The following GRIK2 variants were observed in gnomAD, a reference collection of about 807,000 sequenced individuals.
The protein encoded by GRIK2 is glutamate ionotropic receptor kainate type subunit 2, also known as glutamate receptor ionotropic, kainate 2.
Under a neutral mutation model 100.3 loss-of-function variants are expected in GRIK2, and 32 were observed. That is an observed-to-expected ratio of 0.32 (90% CI 0.24 to 0.43). The LOEUF is 0.43. Among genes scored for constraint, GRIK2 ranks in the 20% least tolerant of loss-of-function variants. GRIK2 has a pLI of 1.00. For missense variants in GRIK2, 843 were observed against 1,114.9 expected (o/e 0.76, Z 3.47); for synonymous variants, 417 against 389.4 (o/e 1.07, Z -0.83).
At chr6:101,792,132 G>C (rs893940081) in intron 7 of GRIK2, among the ~76,000 whole-genome samples, 4 of 151,744 alleles carry the variant, frequency 2.6e-5, no homozygotes, top group Admixed American at 6.6e-5. Context: ...CCTGAATACA[G>C]CACACTGATG....
chr6:101,572,087 G>T (rs1490112969), intron 2 of GRIK2, among the ~76,000 whole-genome samples: 1 of 151,794 alleles, frequency 6.6e-6, no homozygotes, highest in Non-Finnish European at 1.5e-5. Context: ...TTACTATTCT[G>T]TATCTTTTTT....
intron 2 of GRIK2, among the ~76,000 whole-genome samples, chr6:101,491,180 A>C (rs1277663670): frequency 6.6e-6 from 1 of 151,294 alleles, no homozygotes; most frequent in Non-Finnish European, 1.5e-5. Flanking sequence ...ATATGAATGA[A>C]TGAGGAAAAG....
intron 2 of GRIK2, among the ~76,000 whole-genome samples, chr6:101,588,311 A>G (rs1269885624): frequency 1.3e-5 from 2 of 152,088 alleles, no homozygotes; most frequent in African/African-American, 4.8e-5. Flanking sequence ...TGAAAGCCAG[A>G]AAGAGCAGTC....
chr6:101,554,200 A>C (rs2128293322), intron 2 of GRIK2, among the ~76,000 whole-genome samples: 1 of 152,310 alleles, frequency 6.6e-6, no homozygotes, highest in East Asian at 1.9e-4. Context: ...GTTCTGCAGG[A>C]AGAATAGAGA....
chr6:102,022,236 A>C (rs2114369257), intron 14 of GRIK2, among the ~76,000 whole-genome samples: 1 of 151,578 alleles, frequency 6.6e-6, no homozygotes, highest in South Asian at 2.1e-4. Flanking sequence ...TTCAAAACAG[A>C]GTCCATAAAT....
At chr6:101,472,049 T>C (rs928115971) in intron 2 of GRIK2, among the ~76,000 whole-genome samples, 7 of 151,934 alleles carry the variant, frequency 4.6e-5, no homozygotes, top group Non-Finnish European at 8.8e-5. Context: ...TTCATTGTAT[T>C]GCTAAACATT....
chr6:101,627,080 T>G (rs1212033153), intron 4 of GRIK2, among the ~76,000 whole-genome samples: 3 of 151,424 alleles, frequency 2.0e-5, no homozygotes, highest in African/African-American at 7.3e-5. Flanking sequence ...ATTTAGATCA[T>G]ATTGAATAAT....
intron 7 of GRIK2, among the ~76,000 whole-genome samples, chr6:101,742,844 G>A (rs1776128813): frequency 6.6e-6 from 1 of 152,134 alleles, no homozygotes; most frequent in South Asian, 2.1e-4. Flanking sequence ...TAATGCCGGA[G>A]AGGTATAATG....
Position 101,459,080 on chromosome 6 carries a change from C to T in GRIK2, c.115+59688C>T, listed in dbSNP as rs548863873. 2.1e-5 allele frequency among the ~76,000 whole-genome samples: 3 copies of T among 144,276 alleles called. No homozygotes were observed. The East Asian group carries it at 6.3e-4, about 30-fold the overall frequency. 94.7% of individuals were successfully genotyped at this position (144,276 alleles called of 152,430 possible). A position where few individuals can be genotyped will look rare whatever the true frequency, so the allele number is the denominator to read the frequency against. On this transcript the variant is annotated intron_variant, in intron 2 of 16. Transcript: ENST00000369134. ...GCTTTCTGCTTCTGTGTTATTTAGG[C>T]GCTAAAGCTAAGGTCCCCAGAACAC...
intron 2 of GRIK2, among the ~76,000 whole-genome samples, chr6:101,556,321 A>AT (rs10528480): frequency 0.022 from 1,280 of 59,254 alleles, 277 homozygotes; most frequent in Middle Eastern, 0.044. Context: ...TATATTGGTA[A>AT]TTTTTTTTTT....
chr6:101,779,199 A>G (rs1946692506), intron 7 of GRIK2, among the ~76,000 whole-genome samples: 2 of 152,128 alleles, frequency 1.3e-5, no homozygotes, highest in South Asian at 4.2e-4. Flanking sequence ...ATCAGTCATG[A>G]GGTTAGTTGA....
chr6:101,767,849 ATTTTAT>A (rs150066634), intron 7 of GRIK2, among the ~76,000 whole-genome samples: 4,438 of 151,830 alleles, frequency 0.029, 144 homozygotes, highest in African/African-American at 0.079. Flanking sequence ...CTAGATAATT[ATTTTAT>A]TTTTATTTTT....
intron 11 of GRIK2, among the ~76,000 whole-genome samples, chr6:101,873,164 T>C (rs942089293): frequency 3.9e-5 from 6 of 152,056 alleles, no homozygotes; most frequent in Non-Finnish European, 7.4e-5. Flanking sequence ...GTTATACATG[T>C]ATACATGTGC....
intron 7 of GRIK2, among the ~76,000 whole-genome samples, chr6:101,795,202 G>A (rs1360472159): frequency 1.3e-5 from 2 of 152,098 alleles, no homozygotes; most frequent in Non-Finnish European, 2.9e-5. Flanking sequence ...ATTTTCATAA[G>A]GGAAAATTTT....
chr6:102,044,861 T>C lies in GRIK2; in HGVS notation c.2311+9295T>C, dbSNP rs7356815. 3.2e-3 allele frequency among the ~76,000 whole-genome samples: 494 copies of C among 152,182 alleles called. 4 individuals carry two copies. Among genetic ancestry groups the C allele is most frequent in the African/African-American group, 0.012 (479 of 41,568 alleles). The stretch of plus-strand genomic sequence containing the variant: ...TTCTCTCATCCAAATAAATTTCTTA[T>C]GCTGACCTTTTCATCTCTTTACACA... On this transcript the variant is annotated intron_variant, in intron 15 of 16. Transcript: ENST00000369134.
rs112238425 is a variant in GRIK2 at position 101,645,971 on chromosome 6, G to T, written c.541+19334G>T. On this transcript the variant is annotated intron_variant, in intron 4 of 16. Transcript: ENST00000369134. ...TACATTTTTGGTGATAAATTCTATC[G>T]CCACCTAGTGCTTTGGACAACATTT... Among the ~76,000 whole-genome samples, 4 of 151,694 alleles carry T rather than the reference G, an allele frequency of 2.6e-5. No homozygotes were observed. The East Asian group carries it at 5.8e-4, about 22-fold the overall frequency.
At chr6:101,908,606 T>C (rs1772694026) in intron 12 of GRIK2, among the ~76,000 whole-genome samples, 1 of 151,290 alleles carries the variant, frequency 6.6e-6, no homozygotes, top group Non-Finnish European at 1.5e-5. Flanking sequence ...TAAATAGATA[T>C]TAGAACTTAC....
At chr6:101,707,192 A>G (rs1263183226) in intron 7 of GRIK2, among the ~76,000 whole-genome samples, 2 of 151,626 alleles carry the variant, frequency 1.3e-5, no homozygotes, top group Non-Finnish European at 2.9e-5. Flanking sequence ...GATGTTTGCA[A>G]ATGAATAAGC....
chr6:101,582,211 C>T (rs1288932795), intron 2 of GRIK2, among the ~76,000 whole-genome samples: 3 of 150,374 alleles, frequency 2.0e-5, no homozygotes, highest in Non-Finnish European at 4.5e-5. Context: ...TAATGCTATC[C>T]CTCTCCTAGC....
Sources: allele counts gnomAD v4.1 joint callset (sites outside exome capture counted in the v4.1 genomes callset), GRCh38; gene constraint gnomAD v4.1.1; transcripts MANE v1.5; gene names NCBI Gene and HGNC (gene_info 2026-07-23, HGNC 2026-07-21).